The following CDKL3 variants were observed in gnomAD, a reference collection of about 807,000 sequenced individuals.
CDKL3 encodes cyclin-dependent kinase-like 3.
A neutral mutation model predicts 69.3 loss-of-function variants in CDKL3; 65 were observed. The ratio of observed to expected loss-of-function variants is 0.94; its 90% CI spans 0.77 to 1.15. The LOEUF (loss-of-function observed/expected upper bound fraction) is 1.15, where lower values mean the gene tolerates loss of function less well. CDKL3 is among the 50% of genes most tolerant of loss of function. The probability of loss-of-function intolerance (pLI) is 0.00; values close to 1 mark genes in which losing one functional copy is unlikely to be tolerated. For synonymous variants in CDKL3, 202 were observed against 221.6 expected (o/e 0.91, Z 0.79); for missense variants, 652 against 689.2 (o/e 0.95, Z 0.61).
intron 4 of CDKL3, among the ~76,000 whole-genome samples, chr5:134,332,240 G>A (rs1314239068): frequency 2.0e-5 from 3 of 152,064 alleles, no homozygotes; most frequent in Non-Finnish European, 4.4e-5. Context: ...CCATTCTGTA[G>A]GTTGTCTGTT....
downstream of CDKL3, among the ~76,000 whole-genome samples, chr5:134,298,001 T>A (rs1359201646): frequency 6.6e-6 from 1 of 150,934 alleles, no homozygotes; most frequent in Admixed American, 6.6e-5. Flanking sequence ...TGGCATGATC[T>A]TGGCTCTCTG....
intron 4 of CDKL3, among the ~76,000 whole-genome samples, chr5:134,338,472 T>C (rs2149550622): frequency 6.6e-6 from 1 of 152,026 alleles, no homozygotes. Flanking sequence ...GGAGAATCAC[T>C]TGAGGCCAGG....
chr5:134,296,952 CTTT>C (rs111349325), downstream of CDKL3, among the ~76,000 whole-genome samples: 4 of 131,290 alleles, frequency 3.0e-5, no homozygotes, highest in Admixed American at 8.0e-5. Flanking sequence ...CTTTTCTTTT[CTTT>C]TTTTTTTTTT....
At chr5:134,333,265 A>C (rs571303891) in intron 4 of CDKL3, among the ~76,000 whole-genome samples, 85 of 152,310 alleles carry the variant, frequency 5.6e-4, no homozygotes, top group African/African-American at 2.0e-3. Flanking sequence ...CTGCAAACAG[A>C]GACAATTTGA....
chr5:134,312,429 T>C (rs769990194), intron 6 of CDKL3, 49 bp from the exon 7 acceptor site: 31 of 954,500 alleles, frequency 3.2e-5, no homozygotes, highest in Non-Finnish European at 4.8e-5. Flanking sequence ...CAGGGCTCCA[T>C]ATGGTAAAAA....
chr5:134,332,960 CTT>C (rs1294041603), intron 4 of CDKL3, among the ~76,000 whole-genome samples: 1 of 152,122 alleles, frequency 6.6e-6, no homozygotes, highest in Non-Finnish European at 1.5e-5. Flanking sequence ...TGTGTCCTCT[CTT>C]ATTTCCTTGA....
chr5:134,296,813 A>ACACACGCACG (rs1554074948), downstream of CDKL3, among the ~76,000 whole-genome samples: 4 of 151,328 alleles, frequency 2.6e-5, no homozygotes, highest in African/African-American at 9.7e-5. Flanking sequence ...ACACACACAC[A>ACACACGCACG]CACGCACGCA....
At chr5:134,343,431 G>A (rs529251240) in intron 4 of CDKL3, among the ~76,000 whole-genome samples, 97 of 152,194 alleles carry the variant, frequency 6.4e-4, no homozygotes, top group African/African-American at 2.2e-3. Context: ...GAGAAACTTC[G>A]TTTATAGTTT....
chr5:134,293,848 C>G (rs1258156300), downstream of CDKL3, among the ~76,000 whole-genome samples: 1 of 151,420 alleles, frequency 6.6e-6, no homozygotes, highest in South Asian at 2.1e-4. Flanking sequence ...AGTGGTTCAG[C>G]CTATAATCCC....
At chr5:134,309,254 G>A (rs772668734) in intron 7 of CDKL3, among the ~76,000 whole-genome samples, 1 of 152,032 alleles carries the variant, frequency 6.6e-6, no homozygotes, top group Non-Finnish European at 1.5e-5. Context: ...AGCTAATTTT[G>A]TATTTTTAGT....
At chr5:134,303,761 A>G (rs1766998256) in intron 11 of CDKL3, among the ~76,000 whole-genome samples, 1 of 151,782 alleles carries the variant, frequency 6.6e-6, no homozygotes, top group Admixed American at 6.6e-5. Context: ...AGGCACGAGA[A>G]TCACTTGAAC....
intron 4 of CDKL3, among the ~76,000 whole-genome samples, chr5:134,330,217 G>A (rs1775439215): frequency 6.6e-6 from 1 of 151,938 alleles, no homozygotes; most frequent in African/African-American, 2.4e-5. Context: ...AGAAAAATGG[G>A]TGCCCTTTAT....
chr5:134,359,905 T>C lies in CDKL3; in HGVS notation c.352A>G (p.Ser118Gly). Residue 118 changes from serine (S) to glycine (G), a missense_variant, in exon 3 of 13, where the codon AGT becomes GGT. Coordinates refer to ENST00000265334, the MANE Select transcript of CDKL3 (RefSeq NM_001113575.2). ...TATTCTGAAGCACTTACATTATTAC[T>C]GTGAAGATAGTCAATTGCTCGAAGG... ...QILRAIDYLH[S>G]NNIIHRDIKP... is the part of the protein sequence containing the mutation. The C allele has an allele frequency of 3.2e-6, 5 of 1,579,436 alleles. No individual in the cohort carries two copies. The highest frequency in any genetic ancestry group is 1.2e-5 in the South Asian group (1 of 85,352).
At chr5:134,335,415 C>T (rs1309418902) in intron 4 of CDKL3, among the ~76,000 whole-genome samples, 8 of 152,062 alleles carry the variant, frequency 5.3e-5, no homozygotes, top group East Asian at 1.9e-4. Context: ...TTCTTCATAG[C>T]GTCGATGGTC....
chr5:134,283,859 A>G (rs1334968623), downstream of CDKL3, among the ~76,000 whole-genome samples: 2 of 152,334 alleles, frequency 1.3e-5, no homozygotes, highest in Middle Eastern at 3.4e-3. Context: ...ATGGAGGTAC[A>G]GGCATTGGAT....
chr5:134,301,083 C>T (rs536629131), intron 12 of CDKL3, among the ~76,000 whole-genome samples: 38 of 152,038 alleles, frequency 2.5e-4, no homozygotes, highest in African/African-American at 8.2e-4. Flanking sequence ...GCGCAACCTC[C>T]GCCTCCCAGG....
intron 4 of CDKL3, among the ~76,000 whole-genome samples, chr5:134,343,975 T>C (rs1301054893): frequency 6.6e-6 from 1 of 152,198 alleles, no homozygotes; most frequent in Non-Finnish European, 1.5e-5. Flanking sequence ...GCGGGCAAGG[T>C]GAACCCCTTG....
intron 4 of CDKL3, among the ~76,000 whole-genome samples, chr5:134,325,366 A>G (rs1773874857): frequency 6.6e-6 from 1 of 152,220 alleles, no homozygotes. Context: ...CTACATTATA[A>G]CCATAGATGA....
At chr5:134,301,402 G>A (rs1476411141) in intron 12 of CDKL3, among the ~76,000 whole-genome samples, 1 of 152,138 alleles carries the variant, frequency 6.6e-6, no homozygotes, top group Non-Finnish European at 1.5e-5. Context: ...ATGTCACAGT[G>A]AGAATACATC....
Sources: gnomAD v4.1 joint callset for allele counts (sites outside exome capture counted in the v4.1 genomes callset) on GRCh38, gnomAD v4.1.1 for gene constraint, MANE v1.5 for transcripts, NCBI Gene and HGNC (gene_info 2026-07-23, HGNC 2026-07-21) for gene names.